The following NOL8 variants were observed in gnomAD, a reference collection of about 807,000 sequenced individuals.
NOL8 encodes nucleolar protein 8, also known as nucleolar protein Nop132.
NOL8 carries 93 observed loss-of-function variants against 116.1 expected under a neutral mutation model. The ratio of observed to expected loss-of-function variants is 0.80; its 90% CI spans 0.68 to 0.95. The LOEUF (loss-of-function observed/expected upper bound fraction) is 0.95, where lower values mean the gene tolerates loss of function less well. NOL8 is among the 40% of genes least tolerant of loss of function. NOL8 has a pLI of 0.00. For missense variants in NOL8, 1,291 were observed against 1,382.8 expected (o/e 0.93, Z 1.05); for synonymous variants, 419 against 469.0 (o/e 0.89, Z 1.38).
intron 2 of NOL8, among the ~76,000 whole-genome samples, 177 bp from the exon 3 acceptor site, chr9:92,323,680 CAAAAAAA>C (rs373582810): frequency 1.4e-5 from 2 of 138,196 alleles, no homozygotes; most frequent in African/African-American, 2.7e-5. Context: ...CAAAATATTC[CAAAAAAA>C]AAAAGAAGAA....
At position 92,314,991 on chromosome 9, in the gene NOL8, A is replaced by G. The variant is rs756417360; in HGVS notation, c.1634T>C (p.Val545Ala). 7 of 1,613,910 alleles carry G rather than the reference A, an allele frequency of 4.3e-6. No individual in the cohort carries two copies. The highest frequency in any genetic ancestry group is 1.3e-5 in the African/African-American group (1 of 74,926). The change falls in exon 7 of 17, where the codon GTG becomes GCG. Residue 545 changes from valine (V) to alanine (A), a missense_variant. Transcript: ENST00000442668. ...GRQCIRPAEI[V>A]ASLLEGEENT... ...CTCCTCTCCTTCTAACAGGGAAGCC[A>G]CAATCTCCGCAGGACGAATACACTG...
intron 12 of NOL8, among the ~76,000 whole-genome samples, chr9:92,303,621 T>C (rs1837953371): frequency 6.6e-6 from 1 of 152,132 alleles, no homozygotes; most frequent in Non-Finnish European, 1.5e-5. Context: ...AATTCTTTGT[T>C]AAGACCCTAA....
chr9:92,322,189 T>C (rs899025528), intron 3 of NOL8, among the ~76,000 whole-genome samples: 2 of 152,238 alleles, frequency 1.3e-5, no homozygotes, highest in Non-Finnish European at 2.9e-5. Context: ...CTTAATTTTA[T>C]TTATCACCTC....
chr9:92,306,909 T>G lies in NOL8; in HGVS notation c.2802A>C (p.Gly934=). The change falls in exon 11 of 17, where the codon GGA becomes GGC. Residue 934 remains glycine, a synonymous_variant. Transcript: ENST00000442668. The part of the protein sequence containing the change: ...QINLSNSTNR[G]SVAAKKFKDI... Reference sequence around the variant, plus strand: ...ACTTAAATTTCTTAGCAGCTACTGATCCTCTGTTTGTAGAATTGCTTAAGT... The same window carrying G: ...ACTTAAATTTCTTAGCAGCTACTGAGCCTCTGTTTGTAGAATTGCTTAAGT... 1 of 1,613,024 alleles carries G rather than the reference T, an allele frequency of 6.2e-7. No individual in the cohort carries two copies. The highest frequency in any genetic ancestry group is 8.5e-7 in the Non-Finnish European group (1 of 1,179,432).
rs534271634 is a variant in NOL8, at chr9:92,323,573, G to A, written c.140-70C>T. ...CTTATCCAGAGAGCAATGTAAAAAC[G>A]GTTGTTTCTAAATTAAAAAAAAAAA... On this transcript the variant is annotated intron_variant, in intron 2 of 16. Coordinates refer to ENST00000442668, the MANE Select transcript of NOL8 (RefSeq NM_017948.6). The A allele has an allele frequency of 1.1e-5, 14 of 1,287,852 alleles. No homozygotes were observed. In the African/African-American group the frequency reaches 1.4e-4, roughly 13 times the overall value. 79.8% of individuals were successfully genotyped at this position (1,287,852 alleles called of 1,614,324 possible).
At chr9:92,316,269 G>T in intron 6 of NOL8, 131 bp from the exon 7 acceptor site, 1 of 1,004,508 alleles carries the variant, frequency 1.0e-6, no homozygotes, top group Non-Finnish European at 1.4e-6. Context: ...AAAAGAAAAT[G>T]AGGACTTAAC....
chr9:92,305,238 G>T (rs933708166), intron 12 of NOL8, among the ~76,000 whole-genome samples: 6 of 152,150 alleles, frequency 3.9e-5, no homozygotes, highest in African/African-American at 1.4e-4. Context: ...AGACAGAAAA[G>T]AAGAGGCCAT....
intron 3 of NOL8, among the ~76,000 whole-genome samples, chr9:92,322,295 C>T (rs188717333): frequency 5.3e-5 from 8 of 152,326 alleles, no homozygotes; most frequent in African/African-American, 1.7e-4. Context: ...CTCTGAGCAT[C>T]TGCCGTCAGC....
In NOL8 at chr9:92,300,576, A is replaced by C. The variant is rs76848250; in HGVS notation, c.3176-560T>G. On this transcript the variant is annotated intron_variant, in intron 13 of 16. Coordinates refer to ENST00000442668, the MANE Select transcript of NOL8 (RefSeq NM_017948.6). The stretch of plus-strand genomic sequence containing the variant: ...TGCTGATGTCTTTAGGACTCGTTTC[A>C]AGGTCAATTTCTCACGTTTTGCTCT... The C allele has an allele frequency of 2.1e-4, 209 of 995,744 alleles. 1 individual carries two copies. In the East Asian group the frequency reaches 0.018, roughly 86 times the overall value. The allele number at this position is 995,744 out of a possible 1,614,324, so 61.7% of individuals were successfully genotyped here.
intron 3 of NOL8, among the ~76,000 whole-genome samples, chr9:92,322,270 C>T (rs1301796384): frequency 2.6e-5 from 4 of 152,068 alleles, no homozygotes; most frequent in African/African-American, 7.2e-5. Flanking sequence ...ATTACTATGC[C>T]GTAGTAATTG....
intron 10 of NOL8, 110 bp from the exon 11 acceptor site, chr9:92,307,134 G>A: frequency 1.7e-6 from 2 of 1,159,234 alleles, no homozygotes; most frequent in Non-Finnish European, 2.4e-6. Flanking sequence ...ATTAAGACAG[G>A]AAGAAGAAAC....
chr9:92,321,517 G>A (rs1466588733), intron 4 of NOL8, 151 bp downstream of exon 4: 1 of 576,454 alleles, frequency 1.7e-6, no homozygotes, highest in East Asian at 3.2e-5. Context: ...GGGGTGAAGG[G>A]GATTCAGAGT....
At chr9:92,308,037 C>T (rs1838435201) in intron 10 of NOL8, among the ~76,000 whole-genome samples, 1 of 152,118 alleles carries the variant, frequency 6.6e-6, no homozygotes, top group African/African-American at 2.4e-5. Context: ...CTGAAAAAGG[C>T]TCAAGGTGAT....
At chr9:92,316,307 T>C (rs1839405504) in intron 6 of NOL8, among the ~76,000 whole-genome samples, 169 bp from the exon 7 acceptor site, 1 of 152,160 alleles carries the variant, frequency 6.6e-6, no homozygotes, top group Non-Finnish European at 1.5e-5. Flanking sequence ...TCTAAGAAAC[T>C]GAGCTTTCTA....
chr9:92,303,570 T>C (rs1201596131), intron 12 of NOL8, among the ~76,000 whole-genome samples: 1 of 152,174 alleles, frequency 6.6e-6, no homozygotes, highest in East Asian at 1.9e-4. Context: ...ATCTTGCCTG[T>C]CACAGAAAAA....
At chr9:92,319,404 C>A in intron 4 of NOL8, 48 bp from the exon 5 acceptor site, 1 of 1,478,078 alleles carries the variant, frequency 6.8e-7, no homozygotes, top group Non-Finnish European at 8.9e-7. Context: ...TAATCAGCCA[C>A]GTAAAATGGT....
At chr9:92,313,211 A>G (rs886990673) in intron 7 of NOL8, among the ~76,000 whole-genome samples, 1 of 152,088 alleles carries the variant, frequency 6.6e-6, no homozygotes, top group African/African-American at 2.4e-5. Context: ...AATTCAGTCA[A>G]TCTATTCCCA....
At position 92,314,664 on chromosome 9, in the gene NOL8, TG is replaced by T; in HGVS notation, c.1960del (p.Gln654ArgfsTer23). ...GCTAGGGGACACTGCCTTGCGATCCTGGCTTTCAAAAGTGGTCTGTCTTTTT... is the reference window on the plus strand; with the variant it reads ...GCTAGGGGACACTGCCTTGCGATCCTGCTTTCAAAAGTGGTCTGTCTTTTT... ...PQKRQTTFES[Q>X]DRKAVSPSSS... On this transcript the variant is annotated frameshift_variant, in exon 7 of 17. Coordinates refer to ENST00000442668, the MANE Select transcript of NOL8 (RefSeq NM_017948.6). LOFTEE classifies it high-confidence loss of function. 1 of 1,613,700 alleles carries T rather than the reference TG, an allele frequency of 6.2e-7. No homozygotes were observed. The highest frequency in any genetic ancestry group is 1.1e-5 in the South Asian group (1 of 90,982).
At chr9:92,319,471 A>G (rs1839735917) in intron 4 of NOL8, 115 bp from the exon 5 acceptor site, 11 of 1,104,642 alleles carry the variant, frequency 1.0e-5, no homozygotes, top group Non-Finnish European at 1.2e-5. Flanking sequence ...AGTATTAAAA[A>G]CCAAAATAAA....
Sources: gnomAD v4.1 joint callset for allele counts (sites outside exome capture counted in the v4.1 genomes callset) on GRCh38, gnomAD v4.1.1 for gene constraint, MANE v1.5 for transcripts, NCBI Gene and HGNC (gene_info 2026-07-23, HGNC 2026-07-21) for gene names.